The following NLRP14 variants were observed in gnomAD, a reference collection of about 807,000 sequenced individuals.
The protein encoded by NLRP14 is NLR family pyrin domain containing 14, also known as NACHT, LRR and PYD domains-containing protein 14.
A neutral mutation model predicts 94.7 loss-of-function variants in NLRP14; 105 were observed. That is an observed-to-expected ratio of 1.11 (90% CI 0.95 to 1.30). The LOEUF (loss-of-function observed/expected upper bound fraction) is 1.30. Among genes scored for constraint, NLRP14 ranks in the 50% most tolerant of loss-of-function variants. The pLI is 0.00. For synonymous variants in NLRP14, 508 were observed against 459.9 expected (o/e 1.10, Z -1.34); for missense variants, 1,362 against 1,254.1 (o/e 1.09, Z -1.30).
intron 1 of NLRP14, among the ~76,000 whole-genome samples, chr11:7,028,101 G>A (rs1852039850): frequency 6.6e-6 from 1 of 151,996 alleles, no homozygotes; most frequent in South Asian, 2.1e-4. Flanking sequence ...CTATAAGCTA[G>A]TGACTTCTAG....
chr11:7,042,624 TG>T lies in NLRP14; in HGVS notation c.601del (p.Ala201GlnfsTer24), dbSNP rs764630038. 1 of 1,614,216 alleles carries T rather than the reference TG, an allele frequency of 6.2e-7. No individual in the cohort carries two copies. Among genetic ancestry groups the T allele is most frequent in the Non-Finnish European group, 8.5e-7 (1 of 1,180,032 alleles). On this transcript the variant is annotated frameshift_variant, in exon 4 of 12. Transcript: ENST00000299481. LOFTEE classifies it high-confidence loss of function. ...TTLVRKAMLD[W>X]AEGSLYQQRF... Reference sequence around the variant, plus strand: ...CTTGGTGAGAAAGGCAATGTTAGATTGGGCAGAGGGCAGTCTCTACCAGCAG... The same window carrying T: ...CTTGGTGAGAAAGGCAATGTTAGATTGGCAGAGGGCAGTCTCTACCAGCAG...
At position 7,043,662 on chromosome 11, in the gene NLRP14, A is replaced by C. The variant is rs774640273; in HGVS notation, c.1636A>C (p.Arg546=). ...LNEDRVKQLE[R]TFNCKMSLKI... is the part of the protein sequence containing the mutation. ...TGAAGATCGAGTAAAACAACTGGAG[A>C]GGACTTTTAACTGTAAAATGTCACT... The change falls in exon 4 of 12, where the codon AGG becomes CGG. Residue 546 remains arginine, a synonymous_variant. Coordinates refer to ENST00000299481, the MANE Select transcript of NLRP14 (RefSeq NM_176822.4). 1 of 1,614,022 alleles carries C rather than the reference A, an allele frequency of 6.2e-7. No homozygotes were observed.
chr11:7,057,848 G>GT lies in NLRP14; in HGVS notation c.2462+2dup, dbSNP rs1565023422. 6 of 1,605,242 alleles carry GT rather than the reference G, an allele frequency of 3.7e-6. No homozygotes were observed. In the South Asian group the frequency reaches 5.5e-5, roughly 15 times the overall value. ...CAAAGTGTTATCTAGAGAGACTGTC[G>GT]TGAGTGTTTCTGTTTTGTTTTCTGT... On this transcript the variant is annotated splice_donor_variant, in intron 7 of 11. Transcript: ENST00000299481. LOFTEE classifies it high-confidence loss of function.
chr11:7,062,577 T>C (rs1202091868), intron 10 of NLRP14, 74 bp downstream of exon 10: 15 of 1,345,580 alleles, frequency 1.1e-5, no homozygotes, highest in East Asian at 4.6e-5. Flanking sequence ...ATTTAGTGTA[T>C]GGAGAGAGGA....
the NLRP14 span, among the ~76,000 whole-genome samples, chr11:7,085,744 A>G: frequency 6.6e-6 from 1 of 152,182 alleles, no homozygotes; most frequent in African/African-American, 2.4e-5. Context: ...TACTGATAAT[A>G]CCTAATACAA....
chr11:7,071,135 T>C (rs370816844), intron 11 of NLRP14, 38 bp from the exon 12 acceptor site: 69 of 1,612,954 alleles, frequency 4.3e-5, no homozygotes, highest in Non-Finnish European at 4.7e-5. Context: ...TGTAGGGAAA[T>C]TGAATGCAGG....
intron 1 of NLRP14, among the ~76,000 whole-genome samples, chr11:7,036,221 C>A (rs745949767): frequency 6.6e-6 from 1 of 152,178 alleles, no homozygotes; most frequent in African/African-American, 2.4e-5. Context: ...TAGTTCAGGG[C>A]ATTTTTGAAT....
At position 7,049,691 on chromosome 11, in the gene NLRP14, C is replaced by G. The variant is rs1452051827; in HGVS notation, c.2144C>G (p.Pro715Arg). 1 of 1,612,646 alleles carries G rather than the reference C, an allele frequency of 6.2e-7. No homozygotes were observed. The highest frequency in any genetic ancestry group is 1.7e-5 in the Admixed American group (1 of 59,996). ...QKLLLKFITF[P>R]DGCQDISTSL... ...TGAAGGTTGAAATTTATCACTTTCCCTGATGGTTGTCAGGATATCTCTACT... is the reference window on the plus strand; with the variant it reads ...TGAAGGTTGAAATTTATCACTTTCCGTGATGGTTGTCAGGATATCTCTACT... Residue 715 changes from proline (P) to arginine (R), a missense_variant, in exon 6 of 12, where the codon CCT becomes CGT. Pro to Arg is a moderately radical substitution (Grantham distance 103). Transcript: ENST00000299481.
At chr11:7,075,109 G>A (rs1336541402), downstream of NLRP14, among the ~76,000 whole-genome samples, 1 of 152,080 alleles carries the variant, frequency 6.6e-6, no homozygotes, top group Admixed American at 6.5e-5. Context: ...GGAGTAATGT[G>A]GTGTGTCTGA....
At chr11:7,022,756 A>G (rs1189784932) in intron 1 of NLRP14, among the ~76,000 whole-genome samples, 1 of 152,330 alleles carries the variant, frequency 6.6e-6, no homozygotes, top group Non-Finnish European at 1.5e-5. Flanking sequence ...CTGGAGAGCA[A>G]AAGAATAAGA....
the NLRP14 span, among the ~76,000 whole-genome samples, chr11:7,078,589 A>C: frequency 6.6e-6 from 1 of 151,852 alleles, no homozygotes; most frequent in Non-Finnish European, 1.5e-5. Context: ...CAGGTGTTTG[A>C]GACCACCCTG....
At chr11:7,072,337 G>T (rs191977622), downstream of NLRP14, among the ~76,000 whole-genome samples, 14 of 152,228 alleles carry the variant, frequency 9.2e-5, no homozygotes, top group African/African-American at 3.4e-4. Flanking sequence ...CCTGTTATCA[G>T]CCGGAAGTCT....
chr11:7,035,163 T>C (rs1015987732), intron 1 of NLRP14, among the ~76,000 whole-genome samples: 16 of 151,684 alleles, frequency 1.1e-4, no homozygotes, highest in African/African-American at 3.9e-4. Flanking sequence ...AATAAATAAA[T>C]AAATAAAATT....
chr11:7,087,981 GC>G, the NLRP14 span, among the ~76,000 whole-genome samples: 2 of 152,066 alleles, frequency 1.3e-5, no homozygotes, highest in East Asian at 3.8e-4. Context: ...ATTACATGAA[GC>G]AAAAACCAGA....
At chr11:7,040,245 A>T (rs1565015054) in intron 3 of NLRP14, among the ~76,000 whole-genome samples, 1 of 152,176 alleles carries the variant, frequency 6.6e-6, no homozygotes. Context: ...ACAGACCCCT[A>T]CTGGTCGGCG....
At position 7,043,966 on chromosome 11, in the gene NLRP14, G is replaced by A. The variant is rs2119624001; in HGVS notation, c.1940G>A (p.Ser647Asn). 1 of 1,614,148 alleles carries A rather than the reference G, an allele frequency of 6.2e-7. No homozygotes were observed. The highest frequency in any genetic ancestry group is 8.5e-7 in the Non-Finnish European group (1 of 1,179,998). Residue 647 changes from serine to asparagine, a missense_variant, in exon 4 of 12, where the codon AGC becomes AAC. Ser to Asn is a conservative substitution (Grantham distance 46, BLOSUM62 1). Coordinates refer to ENST00000299481, the MANE Select transcript of NLRP14 (RefSeq NM_176822.4). ...VVFEKKILKT[S>N]LPTNTWDGDR... The stretch of plus-strand genomic sequence containing the variant: ...TTTGAGAAGAAGATATTAAAAACAA[G>A]CCTCCCAACTAACACTTGGTAAGTG...
At chr11:7,078,340 AG>A in the NLRP14 span, among the ~76,000 whole-genome samples, 1 of 140,098 alleles carries the variant, frequency 7.1e-6, no homozygotes, top group Non-Finnish European at 1.5e-5. Flanking sequence ...CAGGAGGCTG[AG>A]GCAGGAGAAT....
chr11:7,033,937 T>C (rs1216133290), intron 1 of NLRP14, among the ~76,000 whole-genome samples: 1 of 152,204 alleles, frequency 6.6e-6, no homozygotes, highest in African/African-American at 2.4e-5. Context: ...ACAGTATCAA[T>C]AGCACATACG....
At chr11:7,038,543 G>T (rs1022961609) in intron 1 of NLRP14, 23 bp from the exon 2 acceptor site, 5 of 1,573,418 alleles carry the variant, frequency 3.2e-6, no homozygotes, top group Non-Finnish European at 3.5e-6. Context: ...ATGTGCTTTT[G>T]GTTATTTTTT....
Sources: gnomAD v4.1 joint callset for allele counts (sites outside exome capture counted in the v4.1 genomes callset) on GRCh38, gnomAD v4.1.1 for gene constraint, MANE v1.5 for transcripts, NCBI Gene and HGNC (gene_info 2026-07-23, HGNC 2026-07-21) for gene names.